MYOM2: variants seen among roughly 807,000 people sequenced by gnomAD.
The protein encoded by MYOM2 is myomesin 2.
A neutral mutation model predicts 187.6 loss-of-function variants in MYOM2; 254 were observed. That is an observed-to-expected ratio of 1.35 (90% confidence interval 1.22 to 1.50). The LOEUF is 1.50. Among genes scored for constraint, MYOM2 ranks in the 40% most tolerant of loss-of-function variants. The pLI, the probability that MYOM2 is intolerant of heterozygous loss-of-function variation, is 0.00. For synonymous variants in MYOM2, 981 were observed against 753.8 expected, an observed-to-expected ratio of 1.30 and a Z score of -4.94; for missense variants, 2,796 against 1,924.0, an observed-to-expected ratio of 1.45 and a Z score of -8.48.
chr8:2,076,398 C>T (rs928147194), intron 11 of MYOM2, 116 bp downstream of exon 11: 5 of 1,334,472 alleles, frequency 3.7e-6, no homozygotes, highest in African/African-American at 1.5e-5. Flanking sequence ...TTGATTGGCT[C>T]TAGGTACATG....
intron 20 of MYOM2, 31 bp downstream of exon 20, chr8:2,101,085 C>A: frequency 1.2e-6 from 2 of 1,608,650 alleles, no homozygotes; most frequent in Non-Finnish European, 1.7e-6. Flanking sequence ...GTGGCTCATG[C>A]CTGTAATCCC....
chr8:2,124,922 C>A (rs1340304472), intron 31 of MYOM2, among the ~76,000 whole-genome samples: 2 of 152,112 alleles, frequency 1.3e-5, no homozygotes, highest in East Asian at 1.9e-4. Flanking sequence ...ATCCTTTGCC[C>A]ATTTTTAATG....
intron 27 of MYOM2, 106 bp downstream of exon 27, chr8:2,116,381 G>T: frequency 8.9e-7 from 1 of 1,125,348 alleles, no homozygotes; most frequent in Non-Finnish European, 1.3e-6. Flanking sequence ...AACCCTAAAG[G>T]CTGTTTTAAA....
chr8:2,062,201 G>T (rs1295479062), intron 6 of MYOM2, among the ~76,000 whole-genome samples: 1 of 152,218 alleles, frequency 6.6e-6, no homozygotes, highest in Non-Finnish European at 1.5e-5. Context: ...AGATCACGGG[G>T]ACCCCGTGGG....
intron 6 of MYOM2, among the ~76,000 whole-genome samples, chr8:2,064,256 TC>T (rs1818941359): frequency 6.6e-6 from 1 of 152,104 alleles, no homozygotes; most frequent in South Asian, 2.1e-4. Flanking sequence ...CCAGGGCAGG[TC>T]TTTGCGTTTG....
Position 2,069,327 on chromosome 8 carries a change from C to T in MYOM2, c.703C>T (p.His235Tyr), listed in dbSNP as rs752034764. Residue 235 changes from histidine (H) to tyrosine (Y), a missense_variant, in exon 7 of 37, where the codon CAC becomes TAC. By Grantham distance (83) the His-to-Tyr change is moderately conservative. Transcript: ENST00000262113. ...ATACTCAGCAGTGGCCACCAATGCC[C>T]ACGGACAAGTGTCCACCAACGCGGC... Reference protein sequence around the residue: ...ATYSAVATNAHGQVSTNAAVV... With the variant: ...ATYSAVATNAYGQVSTNAAVV... 2.5e-6 allele frequency: 4 copies of T among 1,613,912 alleles called. No individual in the cohort carries two copies. The African/African-American group carries it at 4.0e-5, about 16-fold the overall frequency.
Position 2,090,096 on chromosome 8 carries a change from G to A in MYOM2, c.1733G>A (p.Gly578Glu). Residue 578 changes from glycine (G) to glutamate (E), a missense_variant, in exon 15 of 37, where the codon GGG (glycine) becomes GAG (glutamate). Gly to Glu is a moderately conservative substitution (Grantham distance 98, BLOSUM62 -2). Coordinates refer to ENST00000262113, the MANE Select transcript of MYOM2 (RefSeq NM_003970.4). ...TATGCCGTGTTTGACCTCATGGAAG[G>A]GAAGTCTTATGTGTTCCGAGTGCTG... ...PRYAVFDLME[G>E]KSYVFRVLSA... 6.2e-7 allele frequency: 1 copy of A among 1,614,102 alleles called. No individual in the cohort carries two copies. The highest frequency in any genetic ancestry group is 8.5e-7 in the Non-Finnish European group (1 of 1,180,028).
At chr8:2,122,076 C>A (rs981164507) in intron 28 of MYOM2, among the ~76,000 whole-genome samples, 15 of 152,186 alleles carry the variant, frequency 9.9e-5, no homozygotes, top group Middle Eastern at 3.4e-3. Context: ...TGGAAAGGAC[C>A]AGCAATGTAA....
intron 13 of MYOM2, among the ~76,000 whole-genome samples, chr8:2,081,045 A>G (rs1172679678): frequency 1.4e-5 from 2 of 141,122 alleles, no homozygotes; most frequent in African/African-American, 5.5e-5. Context: ...CAGGCAGCCC[A>G]GCCCGTGCAG....
chr8:2,096,907 T>A (rs1796510333), intron 18 of MYOM2, among the ~76,000 whole-genome samples: 1 of 152,220 alleles, frequency 6.6e-6, no homozygotes, highest in Non-Finnish European at 1.5e-5. Context: ...TCAGTGCCCC[T>A]GGTGCTCAGG....
At chr8:2,074,226 C>T (rs1819336852) in intron 10 of MYOM2, among the ~76,000 whole-genome samples, 1 of 152,116 alleles carries the variant, frequency 6.6e-6, no homozygotes, top group South Asian at 2.1e-4. Flanking sequence ...CATAAACATC[C>T]ATGTATATAT....
At chr8:2,109,648 A>G (rs975980686) in intron 25 of MYOM2, 117 bp downstream of exon 25, 1 of 1,151,118 alleles carries the variant, frequency 8.7e-7, no homozygotes, top group Admixed American at 2.8e-5. Context: ...AGCCTTAAAG[A>G]TTGGGGCATG....
At chr8:2,100,783 C>A in intron 19 of MYOM2, 93 bp from the exon 20 acceptor site, 1 of 1,286,426 alleles carries the variant, frequency 7.8e-7, no homozygotes, top group Non-Finnish European at 1.1e-6. Context: ...GGGGGGCTTC[C>A]CAGAGGAGCA....
chr8:2,109,757 G>C (rs1270590537), intron 25 of MYOM2, among the ~76,000 whole-genome samples: 1 of 152,200 alleles, frequency 6.6e-6, no homozygotes, highest in Admixed American at 6.5e-5. Context: ...ATCTGAGCCT[G>C]TTGGAATTAA....
At chr8:2,059,629 A>C (rs2129330179) in intron 6 of MYOM2, among the ~76,000 whole-genome samples, 1 of 152,306 alleles carries the variant, frequency 6.6e-6, no homozygotes, top group Non-Finnish European at 1.5e-5. Context: ...AAATCAAAAA[A>C]GTATATGAAA....
chr8:2,088,675 C>T (rs1796180945), intron 14 of MYOM2, among the ~76,000 whole-genome samples: 1 of 152,282 alleles, frequency 6.6e-6, no homozygotes, highest in East Asian at 1.9e-4. Context: ...TCCACCATTG[C>T]AGGGTTGAGT....
At chr8:2,099,923 G>A (rs1159584115) in intron 19 of MYOM2, among the ~76,000 whole-genome samples, 4 of 152,178 alleles carry the variant, frequency 2.6e-5, no homozygotes, top group Non-Finnish European at 2.9e-5. Context: ...TTTAGTCAGC[G>A]TCTTTTGAGT....
rs75326009 is a variant in MYOM2 at position 2,143,242 on chromosome 8, C to G, written c.4025-159C>G. 648 of 816,626 alleles carry G rather than the reference C, an allele frequency of 7.9e-4. 4 individuals carry two copies. In the East Asian group the frequency reaches 0.016, roughly 20 times the overall value. 50.6% of individuals were successfully genotyped at this position (816,626 alleles called of 1,614,324 possible). ...CTTCCCTTGGCTTTGGTTTATCCCT[C>G]AACTGTAAACATATAAACCTTTTTC... On this transcript the variant is annotated intron_variant, in intron 35 of 36. Coordinates refer to ENST00000262113, the MANE Select transcript of MYOM2 (RefSeq NM_003970.4).
intron 18 of MYOM2, 21 bp downstream of exon 18, chr8:2,096,455 T>C: frequency 1.9e-6 from 3 of 1,610,962 alleles, no homozygotes; most frequent in Non-Finnish European, 2.5e-6. Context: ...TTTTATTCCT[T>C]CGTCTATTTT....
Sources: gnomAD v4.1 joint callset for allele counts (sites outside exome capture counted in the v4.1 genomes callset) on GRCh38, gnomAD v4.1.1 for gene constraint, MANE v1.5 for transcripts, NCBI Gene and HGNC (gene_info 2026-07-23, HGNC 2026-07-21) for gene names.